The following ZBED2 variants were observed in gnomAD, a reference collection of about 807,000 sequenced individuals.
ZBED2 encodes the protein zinc finger BED domain-containing protein 2.
For synonymous variants in ZBED2, 97 were observed against 98.8 expected (o/e 0.98, Z 0.11); for missense variants, 285 against 281.0 (o/e 1.01, Z -0.10).
Position 111,593,158 on chromosome 3 carries a change from CCA to C in ZBED2, c.*385_*386del. 3 of 166,334 alleles carry C rather than the reference CCA, an allele frequency of 1.8e-5. No homozygotes were observed. Among genetic ancestry groups the C allele is most frequent in the South Asian group, 1.8e-4 (1 of 5,700 alleles). 10.3% of individuals were successfully genotyped at this position (166,334 alleles called of 1,614,324 possible). A position where few individuals can be genotyped will look rare whatever the true frequency, so the allele number is the denominator to read the frequency against. On this transcript the variant is annotated 3_prime_UTR_variant, in exon 2 of 2. Coordinates refer to ENST00000317012, the MANE Select transcript of ZBED2 (RefSeq NM_024508.5). Reference sequence around the variant, plus strand: ...AGTGAGCTGGTCACATAGGCACATTCCAGCTACCTAACCAGCCTCAGCCCTCA... The same window carrying C: ...AGTGAGCTGGTCACATAGGCACATTCGCTACCTAACCAGCCTCAGCCCTCA...
rs569589964 is a variant in ZBED2, at chr3:111,593,523, G to A, written c.*22C>T. 22 of 1,509,686 alleles carry A rather than the reference G, an allele frequency of 1.5e-5. No homozygotes were observed. In the Middle Eastern group the frequency reaches 5.4e-4, roughly 37 times the overall value. 93.5% of individuals were successfully genotyped at this position (1,509,686 alleles called of 1,614,324 possible). On this transcript the variant is annotated 3_prime_UTR_variant, in exon 2 of 2. Coordinates refer to ENST00000317012, the MANE Select transcript of ZBED2 (RefSeq NM_024508.5). ...TACAAGTCTAGAGTCAATGTTTTCA[G>A]AATAGATTCTCCAAGCCCAATTTAA... is the stretch of plus-strand genomic sequence containing the variant.
rs374514203 is a variant in ZBED2, at chr3:111,594,167, G to T, written c.35C>A (p.Thr12Lys). 6.2e-7 allele frequency: 1 copy of T among 1,607,680 alleles called. No homozygotes were observed. Among genetic ancestry groups the T allele is most frequent in the Non-Finnish European group, 8.5e-7 (1 of 1,176,348 alleles). ...MRREDEEEEG[T>K]MMKAKGDLEM... The stretch of plus-strand genomic sequence containing the variant: ...TAAGTCCCCTTTTGCCTTCATCATT[G>T]TTCCCTCCTCTTCCTCGTCTTCCCG... Residue 12 changes from threonine to lysine, a missense_variant, in exon 2 of 2, where the codon ACA becomes AAA. By Grantham distance (78) the Thr-to-Lys change is moderately conservative. Coordinates refer to ENST00000317012, the MANE Select transcript of ZBED2 (RefSeq NM_024508.5).
Position 111,593,685 on chromosome 3 carries a change from C to T in ZBED2, c.517G>A (p.Ala173Thr), listed in dbSNP as rs1258279855. The T allele has an allele frequency of 1.9e-6, 3 of 1,612,808 alleles. No homozygotes were observed. The highest frequency in any genetic ancestry group is 1.3e-5 in the African/African-American group (1 of 74,902). Residue 173 changes from alanine (A) to threonine (T), a missense_variant, in exon 2 of 2, where the codon GCT (alanine) becomes ACT (threonine). Physicochemically the swap from Ala to Thr is moderately conservative, Grantham distance 58 (BLOSUM62 0). Transcript: ENST00000317012. ...AGGGCTCGCTCCCTTTTTTCCACAG[C>T]CCTCTCCCGCCATTCCACTGCCCTT... Reference protein sequence around the residue: ...RERAVEWRERAVEKRERALEE... With the variant: ...RERAVEWRERTVEKRERALEE...
Position 111,593,487 on chromosome 3 carries a change from T to C in ZBED2, c.*58A>G. 6.7e-7 allele frequency: 1 copy of C among 1,498,598 alleles called. No homozygotes were observed. Among genetic ancestry groups the C allele is most frequent in the Non-Finnish European group, 8.9e-7 (1 of 1,125,472 alleles). The allele number at this position is 1,498,598 out of a possible 1,614,324, so 92.8% of individuals were successfully genotyped here. ...CTTTACATTTGAGTTGAAACTAAAA[T>C]GGCTCTTTTCTACAAGTCTAGAGTC... On this transcript the variant is annotated 3_prime_UTR_variant, in exon 2 of 2. Transcript: ENST00000317012.
rs1365975566 is a variant in ZBED2 at position 111,593,031 on chromosome 3, A to G, written c.*514T>C. 1 of 152,404 alleles carries G rather than the reference A, an allele frequency of 6.6e-6. No homozygotes were observed. The highest frequency in any genetic ancestry group is 2.4e-5 in the African/African-American group (1 of 41,450). The allele number at this position is 152,404 out of a possible 1,614,324, so 9.4% of individuals were successfully genotyped here. ...CCTTCCACTTGCTGGGTCACACAGA[A>G]CAAGCTTTTATTCATACTGGTGGTC... On this transcript the variant is annotated 3_prime_UTR_variant, in exon 2 of 2. Coordinates refer to ENST00000317012, the MANE Select transcript of ZBED2 (RefSeq NM_024508.5).
In ZBED2 at chr3:111,593,295, T is replaced by C. The variant is rs1318164291; in HGVS notation, c.*250A>G. The C allele has an allele frequency of 5.3e-6, 2 of 377,244 alleles. No homozygotes were observed. The highest frequency in any genetic ancestry group is 9.3e-6 in the Non-Finnish European group (2 of 214,130). 23.4% of individuals were successfully genotyped at this position (377,244 alleles called of 1,614,324 possible). On this transcript the variant is annotated 3_prime_UTR_variant, in exon 2 of 2. Coordinates refer to ENST00000317012, the MANE Select transcript of ZBED2 (RefSeq NM_024508.5). The stretch of plus-strand genomic sequence containing the variant: ...CCTGAAACAACTCACAGAGTTTTAC[T>C]TTGGTAGAAGCATTTATCTTTAATA...
At position 111,594,407 on chromosome 3, in the gene ZBED2, C is replaced by T; in HGVS notation, c.-206G>A. Reference sequence around the variant, plus strand: ...GAGTCAGGGGTGAGTCAGATACAAGCAAAACAGCCCAAGAGTGCATTCCTT... The same window carrying T: ...GAGTCAGGGGTGAGTCAGATACAAGTAAAACAGCCCAAGAGTGCATTCCTT... On this transcript the variant is annotated 5_prime_UTR_variant, in exon 2 of 2. Transcript: ENST00000317012. 1 of 542,684 alleles carries T rather than the reference C, an allele frequency of 1.8e-6. No homozygotes were observed. Among genetic ancestry groups the T allele is most frequent in the Non-Finnish European group, 3.3e-6 (1 of 305,610 alleles). The allele number at this position is 542,684 out of a possible 1,614,324, so 33.6% of individuals were successfully genotyped here.
rs200911367 is a variant in ZBED2, at chr3:111,593,799, T to C, written c.403A>G (p.Ile135Val). ...RPHGPQLPTG[I>V]EGNWGRLLEQ... The stretch of plus-strand genomic sequence containing the variant: ...AGGAGCCTACCCCAGTTACCCTCAA[T>C]GCCTGTGGGGAGCTGGGGCCCGTGG... Residue 135 changes from isoleucine (I) to valine (V), a missense_variant, in exon 2 of 2, where the codon ATT becomes GTT. By Grantham distance (29) the Ile-to-Val change is conservative (BLOSUM62 3). Coordinates refer to ENST00000317012, the MANE Select transcript of ZBED2 (RefSeq NM_024508.5). The C allele has an allele frequency of 1.2e-6, 2 of 1,614,204 alleles. No homozygotes were observed. Among genetic ancestry groups the C allele is most frequent in the East Asian group, 2.2e-5 (1 of 44,880 alleles).
Position 111,594,169 on chromosome 3 carries a change from T to C in ZBED2, c.33A>G (p.Gly11=), listed in dbSNP as rs1394684495. MMRREDEEEE[G]TMMKAKGDLE... is the part of the protein sequence containing the mutation. ...AGTCCCCTTTTGCCTTCATCATTGT[T>C]CCCTCCTCTTCCTCGTCTTCCCGCC... Residue 11 remains glycine (G), a synonymous_variant, in exon 2 of 2, where the codon GGA becomes GGG. Transcript: ENST00000317012. The C allele has an allele frequency of 2.5e-6, 4 of 1,605,228 alleles. No individual in the cohort carries two copies. The highest frequency in any genetic ancestry group is 3.4e-6 in the Non-Finnish European group (4 of 1,174,834).
Position 111,594,077 on chromosome 3 carries a change from A to G in ZBED2, c.125T>C (p.Met42Thr), listed in dbSNP as rs1278780432. 6.2e-7 allele frequency: 1 copy of G among 1,614,186 alleles called. No individual in the cohort carries two copies. Among genetic ancestry groups the G allele is most frequent in the Non-Finnish European group, 8.5e-7 (1 of 1,180,036 alleles). The change falls in exon 2 of 2, where the codon ATG becomes ACG. Residue 42 changes from methionine to threonine, a missense_variant. Met to Thr is a moderately conservative substitution (Grantham distance 81). Transcript: ENST00000317012. ...GELVGPFVSA[M>T]PTPMPHNKGT... The stretch of plus-strand genomic sequence containing the variant: ...CTTGTTGTGGGGCATTGGAGTGGGC[A>G]TAGCACTCACAAAAGGGCCAACCAG...
Position 111,594,265 on chromosome 3 carries a change from A to G in ZBED2, c.-64T>C, listed in dbSNP as rs1937150786. On this transcript the variant is annotated 5_prime_UTR_variant, in exon 2 of 2. Coordinates refer to ENST00000317012, the MANE Select transcript of ZBED2 (RefSeq NM_024508.5). Reference sequence around the variant, plus strand: ...TGTGAGCCAAAAGCTTATTTGAACCACAAGATTAAATATATATTTGGGAAG... The same window carrying G: ...TGTGAGCCAAAAGCTTATTTGAACCGCAAGATTAAATATATATTTGGGAAG... 7 of 1,497,782 alleles carry G rather than the reference A, an allele frequency of 4.7e-6. No homozygotes were observed. Among genetic ancestry groups the G allele is most frequent in the Non-Finnish European group, 5.4e-6 (6 of 1,116,232 alleles). 92.8% of individuals were successfully genotyped at this position (1,497,782 alleles called of 1,614,324 possible).
At position 111,593,389 on chromosome 3, in the gene ZBED2, A is replaced by G; in HGVS notation, c.*156T>C. 3 of 933,974 alleles carry G rather than the reference A, an allele frequency of 3.2e-6. No homozygotes were observed. The highest frequency in any genetic ancestry group is 1.6e-5 in the African/African-American group (1 of 60,856). The allele number at this position is 933,974 out of a possible 1,614,324, so 57.9% of individuals were successfully genotyped here. On this transcript the variant is annotated 3_prime_UTR_variant, in exon 2 of 2. Coordinates refer to ENST00000317012, the MANE Select transcript of ZBED2 (RefSeq NM_024508.5). ...AACCTCGTAGATAAGCATTTGGTCAATTCAGACCTGCTCAGATTAACTCAT... is the reference window on the plus strand; with the variant it reads ...AACCTCGTAGATAAGCATTTGGTCAGTTCAGACCTGCTCAGATTAACTCAT...
Position 111,593,404 on chromosome 3 carries a change from G to T in ZBED2, c.*141C>A. 9.3e-7 allele frequency: 1 copy of T among 1,075,234 alleles called. No homozygotes were observed. The highest frequency in any genetic ancestry group is 1.3e-6 in the Non-Finnish European group (1 of 785,636). The allele number at this position is 1,075,234 out of a possible 1,614,324, so 66.6% of individuals were successfully genotyped here. A position where few individuals can be genotyped will look rare whatever the true frequency, so the allele number is the denominator to read the frequency against. On this transcript the variant is annotated 3_prime_UTR_variant, in exon 2 of 2. Coordinates refer to ENST00000317012, the MANE Select transcript of ZBED2 (RefSeq NM_024508.5). The stretch of plus-strand genomic sequence containing the variant: ...CATTTGGTCAATTCAGACCTGCTCA[G>T]ATTAACTCATACTGTGCACTATTTC...
Position 111,594,902 on chromosome 3 carries a change from T to C in ZBED2, c.-701A>G, listed in dbSNP as rs1425098667. On this transcript the variant is annotated 5_prime_UTR_variant, in exon 2 of 2. Coordinates refer to ENST00000317012, the MANE Select transcript of ZBED2 (RefSeq NM_024508.5). ...GTCAGTTTGTCCTTAGAGGTGTCTC[T>C]CAGAGGCCAGGAGTCTAAGAAATCC... is the stretch of plus-strand genomic sequence containing the variant. 2.4e-5 allele frequency: 4 copies of C among 167,150 alleles called. No individual in the cohort carries two copies. Among genetic ancestry groups the C allele is most frequent in the African/African-American group, 9.7e-5 (4 of 41,434 alleles). 10.4% of individuals were successfully genotyped at this position (167,150 alleles called of 1,614,324 possible).
Position 111,595,008 on chromosome 3 carries a change from GT to G in ZBED2, c.-808del, listed in dbSNP as rs1235348000. 2 of 166,982 alleles carry G rather than the reference GT, an allele frequency of 1.2e-5. No homozygotes were observed. The highest frequency in any genetic ancestry group is 2.9e-5 in the Non-Finnish European group (2 of 68,124). The allele number at this position is 166,982 out of a possible 1,614,324, so 10.3% of individuals were successfully genotyped here. The stretch of plus-strand genomic sequence containing the variant: ...TGGAGCACATCTTCACAAACACAGC[GT>G]TGCCTGGCTGTCCTTAGCAAGCAGC... On this transcript the variant is annotated 5_prime_UTR_variant, in exon 2 of 2. The change creates a premature stop within an existing upstream ORF in the 5' untranslated region. Transcript: ENST00000317012.
rs370143176 is a variant in ZBED2, at chr3:111,594,002, C to T, written c.200G>A (p.Arg67His). 1.9e-4 allele frequency: 305 copies of T among 1,614,170 alleles called. No homozygotes were observed. The highest frequency in any genetic ancestry group is 2.2e-4 in the Non-Finnish European group (261 of 1,180,024). The stretch of plus-strand genomic sequence containing the variant: ...ATACTGGTTGGGATGGTGCCCAGCA[C>T]GAGCAGGAGCTAGGTGGAAATATTC... ...AWEYFHLAPA[R>H]AGHHPNQYAT... Residue 67 changes from arginine to histidine, a missense_variant, in exon 2 of 2, where the codon CGT becomes CAT. Coordinates refer to ENST00000317012, the MANE Select transcript of ZBED2 (RefSeq NM_024508.5).
intron 1 of ZBED2, 30 bp from the exon 2 acceptor site, chr3:111,595,096 C>A (rs530567212): frequency 6.0e-6 from 1 of 167,108 alleles, no homozygotes; most frequent in Non-Finnish European, 1.5e-5. Context: ...TAAGACCTTC[C>A]TGAGGCAACT....
chr3:111,593,450 CA>C lies in ZBED2; in HGVS notation c.*94del. Reference sequence around the variant, plus strand: ...ATTTCACATAAAAGCAAAATGTCACCAAACTACTTTGCTTTACATTTGAGTT... The same window carrying C: ...ATTTCACATAAAAGCAAAATGTCACCAACTACTTTGCTTTACATTTGAGTT... On this transcript the variant is annotated 3_prime_UTR_variant, in exon 2 of 2. Transcript: ENST00000317012. 1 of 1,436,408 alleles carries C rather than the reference CA, an allele frequency of 7.0e-7. No individual in the cohort carries two copies. The highest frequency in any genetic ancestry group is 2.3e-5 in the East Asian group (1 of 42,612). The allele number at this position is 1,436,408 out of a possible 1,614,324, so 89.0% of individuals were successfully genotyped here.
chr3:111,592,920 TA>T lies in ZBED2; in HGVS notation c.*624del, dbSNP rs1937061367. The T allele has an allele frequency of 6.6e-6, 1 of 152,168 alleles. No homozygotes were observed. The allele number at this position is 152,168 out of a possible 1,614,324, so 9.4% of individuals were successfully genotyped here. A position where few individuals can be genotyped will look rare whatever the true frequency, so the allele number is the denominator to read the frequency against. The stretch of plus-strand genomic sequence containing the variant: ...GATTATACTGATGAAACAACTTTAA[TA>T]TAAGCAAGAAAATACATTGCAGCAA... On this transcript the variant is annotated 3_prime_UTR_variant, in exon 2 of 2. Coordinates refer to ENST00000317012, the MANE Select transcript of ZBED2 (RefSeq NM_024508.5).
Sources: allele counts gnomAD v4.1 joint callset, GRCh38; gene constraint gnomAD v4.1.1; transcripts MANE v1.5; gene names NCBI Gene and HGNC (gene_info 2026-07-23, HGNC 2026-07-21).